Variants in MTDH observed in about 807,000 individuals in gnomAD.
The protein encoded by MTDH is protein LYRIC.
MTDH carries 34 observed loss-of-function variants against 72.7 expected under a neutral mutation model. The ratio of observed to expected loss-of-function variants is 0.47; its 90% CI spans 0.36 to 0.62. MTDH has a LOEUF of 0.62. Ranked by LOEUF, MTDH falls within the 20% of genes least tolerant of loss-of-function variation. The pLI is 0.00. For missense variants in MTDH, 677 were observed against 699.4 expected (o/e 0.97, Z 0.36); for synonymous variants, 266 against 268.9 (o/e 0.99, Z 0.10).
intron 1 of MTDH, among the ~76,000 whole-genome samples, chr8:97,658,157 A>G (rs554900699): frequency 5.3e-5 from 8 of 152,220 alleles, no homozygotes; most frequent in African/African-American, 1.4e-4. Flanking sequence ...GACTTCTGGA[A>G]TCCCAGTAAT....
intron 6 of MTDH, among the ~76,000 whole-genome samples, chr8:97,692,916 G>A (rs1049311446): frequency 6.6e-6 from 1 of 151,956 alleles, no homozygotes; most frequent in African/African-American, 2.4e-5. Flanking sequence ...TTTTTTAGTA[G>A]AGGTGGGGTT....
intron 9 of MTDH, among the ~76,000 whole-genome samples, chr8:97,715,268 C>T (rs750376457): frequency 6.6e-6 from 1 of 152,110 alleles, no homozygotes; most frequent in Non-Finnish European, 1.5e-5. Flanking sequence ...GCTGGGATTA[C>T]AGGCATGAGC....
intron 4 of MTDH, 106 bp downstream of exon 4, chr8:97,687,711 C>G: frequency 1.0e-6 from 1 of 993,580 alleles, no homozygotes; most frequent in Non-Finnish European, 1.5e-6. Flanking sequence ...ATGCTAACAT[C>G]ATTGTGCTGA....
chr8:97,658,178 A>G (rs543862883), intron 1 of MTDH, among the ~76,000 whole-genome samples: 2 of 152,122 alleles, frequency 1.3e-5, no homozygotes, highest in South Asian at 2.1e-4. Context: ...GATGAAAGCT[A>G]TATAAATTCT....
At chr8:97,647,757 A>T (rs189912975) in intron 1 of MTDH, among the ~76,000 whole-genome samples, 1 of 152,156 alleles carries the variant, frequency 6.6e-6, no homozygotes, top group African/African-American at 2.4e-5. Context: ...ATCCCTGGCT[A>T]CTTGCAATGA....
chr8:97,714,277 T>A (rs188220818), intron 9 of MTDH, among the ~76,000 whole-genome samples: 1 of 152,204 alleles, frequency 6.6e-6, no homozygotes, highest in Admixed American at 6.6e-5. Flanking sequence ...TGCTCTCCTG[T>A]CTGGGGGAAA....
intron 1 of MTDH, among the ~76,000 whole-genome samples, chr8:97,655,316 G>A (rs1490139263): frequency 3.3e-5 from 5 of 152,138 alleles, no homozygotes; most frequent in Non-Finnish European, 7.3e-5. Context: ...CCTTATCTTT[G>A]TTTCAAGGTG....
At chr8:97,704,347 C>T (rs1814260131) in intron 7 of MTDH, among the ~76,000 whole-genome samples, 1 of 152,218 alleles carries the variant, frequency 6.6e-6, no homozygotes, top group African/African-American at 2.4e-5. Context: ...AGTTCTAGCA[C>T]ATAGTAAGTG....
intron 1 of MTDH, among the ~76,000 whole-genome samples, chr8:97,647,105 G>T (rs951086910): frequency 1.3e-5 from 2 of 152,152 alleles, no homozygotes; most frequent in African/African-American, 2.4e-5. Flanking sequence ...CTTTAACTGT[G>T]CTAAGTATTG....
chr8:97,703,707 A>G (rs932608775), intron 7 of MTDH, among the ~76,000 whole-genome samples: 2 of 152,234 alleles, frequency 1.3e-5, no homozygotes, highest in Admixed American at 6.5e-5. Context: ...GTATATCTTA[A>G]TGAGAGGTTC....
chr8:97,703,262 A>G (rs913938083), intron 7 of MTDH, among the ~76,000 whole-genome samples: 4 of 152,176 alleles, frequency 2.6e-5, no homozygotes, highest in Admixed American at 2.6e-4. Context: ...AGGAGTCTGA[A>G]GTGGAAGATC....
chr8:97,720,768 C>G (rs1033370783), intron 10 of MTDH, among the ~76,000 whole-genome samples: 1 of 151,382 alleles, frequency 6.6e-6, no homozygotes, highest in African/African-American at 2.4e-5. Flanking sequence ...ATTTTCCTGC[C>G]TCAGCCTCCC....
chr8:97,670,075 G>A (rs1050130272), intron 2 of MTDH, among the ~76,000 whole-genome samples: 5 of 152,150 alleles, frequency 3.3e-5, no homozygotes, highest in African/African-American at 1.2e-4. Flanking sequence ...ATCACTTTAG[G>A]AGGCTGAGAC....
chr8:97,670,247 C>T lies in MTDH; in HGVS notation c.483+9074C>T, dbSNP rs118147071. Among the ~76,000 whole-genome samples the T allele has an allele frequency of 1.3e-4, 20 of 152,288 alleles. No individual in the cohort carries two copies. The East Asian group carries it at 1.9e-3, about 15-fold the overall frequency. On this transcript the variant is annotated intron_variant, in intron 2 of 11. Coordinates refer to ENST00000336273, the MANE Select transcript of MTDH (RefSeq NM_178812.4). ...GGGAGAATCACTTGAACTCCGGAGG[C>T]GGAGCCTGTAGTGAGCTGAGATCGT...
At chr8:97,702,412 A>G (rs1183892499) in intron 7 of MTDH, among the ~76,000 whole-genome samples, 1 of 152,158 alleles carries the variant, frequency 6.6e-6, no homozygotes, top group Non-Finnish European at 1.5e-5. Flanking sequence ...CCTTCTCTGT[A>G]AAAATAACAA....
intron 2 of MTDH, among the ~76,000 whole-genome samples, chr8:97,686,073 A>G (rs1484870102): frequency 2.6e-5 from 4 of 152,210 alleles, no homozygotes; most frequent in Non-Finnish European, 4.4e-5. Flanking sequence ...TTGCTTTGAA[A>G]CTGACAAAAT....
At chr8:97,651,556 A>G (rs1375192726) in intron 1 of MTDH, among the ~76,000 whole-genome samples, 1 of 152,242 alleles carries the variant, frequency 6.6e-6, no homozygotes, top group Non-Finnish European at 1.5e-5. Context: ...CTGCAGAGTG[A>G]CTTTGCAGCT....
chr8:97,709,901 TG>T (rs2131057686), intron 8 of MTDH, among the ~76,000 whole-genome samples: 1 of 152,348 alleles, frequency 6.6e-6, no homozygotes, highest in South Asian at 2.1e-4. Context: ...GTTGTAGAGT[TG>T]ATTTCAGCAT....
chr8:97,648,902 A>G (rs113711957), intron 1 of MTDH, among the ~76,000 whole-genome samples: 48 of 149,390 alleles, frequency 3.2e-4, no homozygotes, highest in African/African-American at 1.1e-3. Flanking sequence ...TGCTTGGTAA[A>G]TACCTATGTG....
Sources: allele counts gnomAD v4.1 joint callset (sites outside exome capture counted in the v4.1 genomes callset), GRCh38; gene constraint gnomAD v4.1.1; transcripts MANE v1.5; gene names NCBI Gene and HGNC (gene_info 2026-07-23, HGNC 2026-07-21).